IQCH: variants seen among roughly 807,000 people sequenced by gnomAD.
IQCH encodes the protein IQ motif containing H.
Under a neutral mutation model 117.0 loss-of-function variants are expected in IQCH, and 98 were observed. The observed-to-expected ratio is 0.84, with a 90% CI of 0.71 to 0.99. The LOEUF (loss-of-function observed/expected upper bound fraction) is 0.99. Ranked by LOEUF, IQCH falls within the 50% of genes least tolerant of loss-of-function variation. The probability of loss-of-function intolerance (pLI) is 0.00; values close to 1 mark genes in which losing one functional copy is unlikely to be tolerated. For missense variants in IQCH, 1,102 were observed against 1,243.8 expected (o/e 0.89, Z 1.72); for synonymous variants, 412 against 448.2 (o/e 0.92, Z 1.02).
intron 18 of IQCH, among the ~76,000 whole-genome samples, chr15:67,482,353 C>T (rs1179650862): frequency 3.9e-5 from 6 of 152,222 alleles, no homozygotes; most frequent in Non-Finnish European, 7.3e-5. Context: ...TTACCCAGTC[C>T]TGTTCCACCA....
At chr15:67,357,476 G>A (rs1029494435) in intron 7 of IQCH, 55 bp downstream of exon 7, 1 of 1,131,782 alleles carries the variant, frequency 8.8e-7, no homozygotes, top group Non-Finnish European at 1.3e-6. Context: ...AGCACTTTCT[G>A]TGAGATATTT....
At position 67,472,154 on chromosome 15, in the gene IQCH, T is replaced by G. The variant is rs1232326757; in HGVS notation, c.2677-3542T>G. Among the ~76,000 whole-genome samples, 1 of 152,086 alleles carries G rather than the reference T, an allele frequency of 6.6e-6. No individual in the cohort carries two copies. The highest frequency in any genetic ancestry group is 1.5e-5 in the Non-Finnish European group (1 of 68,026). ...AACACTTTAATGAAAACACAGAACT[T>G]TATCCTGCCTTAAAGACTAGAACAG... is the stretch of plus-strand genomic sequence containing the variant. On this transcript the variant is annotated intron_variant, in intron 17 of 20. Coordinates refer to ENST00000335894, the MANE Select transcript of IQCH (RefSeq NM_001031715.3). The surrounding 1 kb of genome is among the most constrained non-coding windows in gnomAD (Gnocchi z 4.3).
intron 4 of IQCH, among the ~76,000 whole-genome samples, chr15:67,315,307 G>A (rs1460465630): frequency 6.6e-6 from 1 of 152,182 alleles, no homozygotes; most frequent in African/African-American, 2.4e-5. Context: ...TCTTCTTGGT[G>A]AGCAGCAGAA....
chr15:67,450,243 G>C (rs1463502111), intron 16 of IQCH, among the ~76,000 whole-genome samples: 3 of 152,130 alleles, frequency 2.0e-5, no homozygotes, highest in Non-Finnish European at 4.4e-5. Flanking sequence ...GCCCTGGCCA[G>C]AACTTCCAAC....
At chr15:67,497,084 G>A (rs1390296586) in intron 20 of IQCH, among the ~76,000 whole-genome samples, 3 of 148,540 alleles carry the variant, frequency 2.0e-5, no homozygotes, top group Non-Finnish European at 4.5e-5. Flanking sequence ...GCAAATTCTT[G>A]TAAATAGAAA....
At chr15:67,461,202 C>A (rs1339053345) in intron 16 of IQCH, among the ~76,000 whole-genome samples, 1 of 152,104 alleles carries the variant, frequency 6.6e-6, no homozygotes, top group Admixed American at 6.5e-5. Flanking sequence ...ATGTTGAAAC[C>A]CCGTCCCTAC....
intron 12 of IQCH, among the ~76,000 whole-genome samples, chr15:67,392,802 A>AT (rs1971331163): frequency 6.6e-6 from 1 of 151,452 alleles, no homozygotes; most frequent in African/African-American, 2.4e-5. Context: ...AAAAAAAAAA[A>AT]AGGATTTCAA....
chr15:67,409,320 AGCGC>A (rs771919007), intron 14 of IQCH, among the ~76,000 whole-genome samples: 9 of 152,210 alleles, frequency 5.9e-5, no homozygotes, highest in Non-Finnish European at 1.3e-4. Context: ...CCCAGCATGC[AGCGC>A]GCACAGGGTG....
At chr15:67,357,270 C>A in intron 6 of IQCH, 75 bp from the exon 7 acceptor site, 3 of 988,530 alleles carry the variant, frequency 3.0e-6, no homozygotes, top group Non-Finnish European at 4.9e-6. Context: ...TTTCAAGGTG[C>A]AAACCCAATA....
chr15:67,285,738 G>T (rs1208520944), intron 4 of IQCH, among the ~76,000 whole-genome samples: 1 of 151,924 alleles, frequency 6.6e-6, no homozygotes, highest in Non-Finnish European at 1.5e-5. Context: ...TTTTTGTCAG[G>T]TTTGTCAAAG....
chr15:67,439,837 G>A (rs1185458548), intron 16 of IQCH, among the ~76,000 whole-genome samples: 2 of 145,852 alleles, frequency 1.4e-5, no homozygotes, highest in South Asian at 2.2e-4. Context: ...GTGGTGAGCC[G>A]AGATCACGCC....
At position 67,457,269 on chromosome 15, in the gene IQCH, G is replaced by A. The variant is rs1029543945; in HGVS notation, c.2506-7858G>A. Among the ~76,000 whole-genome samples the A allele has an allele frequency of 6.6e-6, 1 of 152,206 alleles. No homozygotes were observed. The highest frequency in any genetic ancestry group is 6.5e-5 in the Admixed American group (1 of 15,290). ...ACTAATTGAAAATTCTTACAGTGGG[G>A]TGTACCAACTCCTTTAAAATTAAGC... On this transcript the variant is annotated intron_variant, in intron 16 of 20. Coordinates refer to ENST00000335894, the MANE Select transcript of IQCH (RefSeq NM_001031715.3). This position sits in a 1 kb window ranked among gnomAD's most constrained non-coding sequence, Gnocchi z 5.7.
intron 4 of IQCH, among the ~76,000 whole-genome samples, chr15:67,312,425 C>T (rs1232216773): frequency 6.6e-6 from 1 of 152,074 alleles, no homozygotes; most frequent in African/African-American, 2.4e-5. Context: ...TAGATCTTTT[C>T]TTTCACGCAA....
rs1044610122 is a variant in IQCH, at chr15:67,321,086, G to A, written c.388-15889G>A. Among the ~76,000 whole-genome samples, 5 of 152,096 alleles carry A rather than the reference G, an allele frequency of 3.3e-5. No homozygotes were observed. In the East Asian group the frequency reaches 9.6e-4, roughly 29 times the overall value. On this transcript the variant is annotated intron_variant, in intron 4 of 20. Coordinates refer to ENST00000335894, the MANE Select transcript of IQCH (RefSeq NM_001031715.3). ...GCTGGATTTCATAACAATTTTAATG[G>A]AAAATTTTCTAGACTATATTACATA...
chr15:67,362,272 CTT>C (rs1970169101), intron 8 of IQCH, among the ~76,000 whole-genome samples: 1 of 151,914 alleles, frequency 6.6e-6, no homozygotes, highest in African/African-American at 2.4e-5. Flanking sequence ...GTGTTTAAAA[CTT>C]TTCCAAAACA....
At chr15:67,338,155 A>C (rs1349715143) in intron 5 of IQCH, among the ~76,000 whole-genome samples, 1 of 152,122 alleles carries the variant, frequency 6.6e-6, no homozygotes, top group Non-Finnish European at 1.5e-5. Context: ...CCTGAACCAA[A>C]TTAGGATGAA....
chr15:67,484,574 CA>C (rs61010661), intron 18 of IQCH, among the ~76,000 whole-genome samples: 5,744 of 125,394 alleles, frequency 0.046, 206 homozygotes, highest in East Asian at 0.1. Context: ...ACTAAAAATA[CA>C]AAAAAAAAAA....
chr15:67,355,519 G>A (rs898723850), intron 6 of IQCH, among the ~76,000 whole-genome samples: 2 of 151,998 alleles, frequency 1.3e-5, no homozygotes, highest in Non-Finnish European at 2.9e-5. Flanking sequence ...GAACCTGGGA[G>A]GTGGAGCTTG....
chr15:67,464,723 ACT>A (rs1333641155), intron 16 of IQCH, among the ~76,000 whole-genome samples: 4 of 151,486 alleles, frequency 2.6e-5, no homozygotes, highest in African/African-American at 9.7e-5. Context: ...CATATTCATC[ACT>A]CTTTTCCCGT....
Sources: gnomAD v4.1 joint callset for allele counts (sites outside exome capture counted in the v4.1 genomes callset) on GRCh38, gnomAD v4.1.1 for gene constraint, Gnocchi (gnomAD v3.1) non-coding constraint, MANE v1.5 for transcripts, NCBI Gene and HGNC (gene_info 2026-07-23, HGNC 2026-07-21) for gene names.